MAN1A1: variants seen among roughly 807,000 people sequenced by gnomAD.
The protein encoded by MAN1A1 is mannosyl-oligosaccharide 1,2-alpha-mannosidase IA.
Under a neutral mutation model 70.8 loss-of-function variants are expected in MAN1A1, and 29 were observed. That is an observed-to-expected ratio of 0.41 (90% CI 0.31 to 0.56). The LOEUF is 0.56. Ranked by LOEUF, MAN1A1 falls within the 20% of genes least tolerant of loss-of-function variation. The probability of loss-of-function intolerance (pLI) is 0.29; values close to 1 mark genes in which losing one functional copy is unlikely to be tolerated. For synonymous variants in MAN1A1, 349 were observed against 330.1 expected (o/e 1.06, Z -0.62); for missense variants, 747 against 841.3 (o/e 0.89, Z 1.39).
At chr6:119,246,798 C>G (rs902220585) in intron 6 of MAN1A1, among the ~76,000 whole-genome samples, 4 of 152,094 alleles carry the variant, frequency 2.6e-5, no homozygotes, top group Non-Finnish European at 4.4e-5. Context: ...AAACACAAAC[C>G]AAGCTGCTTC....
chr6:119,249,911 T>C (rs1031542179), intron 5 of MAN1A1, among the ~76,000 whole-genome samples: 1 of 152,220 alleles, frequency 6.6e-6, no homozygotes, highest in African/African-American at 2.4e-5. Flanking sequence ...ATGACTTTGG[T>C]TGACAGTCAA....
intron 11 of MAN1A1, among the ~76,000 whole-genome samples, chr6:119,184,574 G>A (rs1773236010): frequency 6.6e-6 from 1 of 152,152 alleles, no homozygotes; most frequent in African/African-American, 2.4e-5. Context: ...GATGAAGCCT[G>A]AGGAGGCAGG....
chr6:119,308,077 T>C (rs1167669500), intron 2 of MAN1A1, among the ~76,000 whole-genome samples: 2 of 152,228 alleles, frequency 1.3e-5, no homozygotes, highest in African/African-American at 2.4e-5. Flanking sequence ...CTAAATGCTA[T>C]AACTTTAGTA....
intron 11 of MAN1A1, among the ~76,000 whole-genome samples, chr6:119,183,389 T>C (rs1299373850): frequency 6.8e-6 from 1 of 146,882 alleles, no homozygotes; most frequent in Admixed American, 6.9e-5. Flanking sequence ...TCAAGTCCTA[T>C]TATTTTTTCT....
chr6:119,286,108 C>A (rs1160528078), intron 5 of MAN1A1, among the ~76,000 whole-genome samples: 2 of 152,106 alleles, frequency 1.3e-5, no homozygotes, highest in African/African-American at 4.8e-5. Context: ...GAATCATACA[C>A]ATTTTCTGGC....
At chr6:119,236,217 A>G (rs1196505806) in intron 6 of MAN1A1, among the ~76,000 whole-genome samples, 1 of 152,036 alleles carries the variant, frequency 6.6e-6, no homozygotes, top group East Asian at 1.9e-4. Flanking sequence ...ATGATAGCAC[A>G]TATATTTATA....
chr6:119,232,125 C>T (rs1774694830), intron 6 of MAN1A1, among the ~76,000 whole-genome samples: 1 of 151,966 alleles, frequency 6.6e-6, no homozygotes, highest in Admixed American at 6.5e-5. Context: ...TGTAATCCAG[C>T]ACTTTGGGAG....
chr6:119,348,931 C>T lies in MAN1A1; in HGVS notation c.135G>A (p.Leu45=), dbSNP rs760256709. 7 of 1,533,850 alleles carry T rather than the reference C, an allele frequency of 4.6e-6. No homozygotes were observed. The highest frequency in any genetic ancestry group is 2.0e-5 in the Admixed American group (1 of 49,864). The change falls in exon 2 of 13, where the codon CTG becomes CTA. Residue 45 remains leucine (L), a synonymous_variant. Coordinates refer to ENST00000368468, the MANE Select transcript of MAN1A1 (RefSeq NM_005907.4). ...GCGTGATGAAGGCGCTGAATACCAG[C>T]AGCAGCACGAACTTCTCCGTCAGGC... ...ALRLTEKFVL[L]LVFSAFITLC...
intron 9 of MAN1A1, among the ~76,000 whole-genome samples, chr6:119,191,112 T>C (rs1773429774): frequency 1.3e-5 from 2 of 152,192 alleles, no homozygotes; most frequent in Admixed American, 1.3e-4. Flanking sequence ...AAGAAATAAA[T>C]GAACATATTA....
At chr6:119,228,206 A>G (rs1287617403) in intron 6 of MAN1A1, among the ~76,000 whole-genome samples, 1 of 152,184 alleles carries the variant, frequency 6.6e-6, no homozygotes, top group Non-Finnish European at 1.5e-5. Context: ...TCACCAGCAT[A>G]TTTATTCCTC....
chr6:119,274,326 A>G (rs1363958235), intron 5 of MAN1A1, among the ~76,000 whole-genome samples: 1 of 152,132 alleles, frequency 6.6e-6, no homozygotes, highest in African/African-American at 2.4e-5. Flanking sequence ...TGGAGTCCAA[A>G]TTTTTATTCA....
intron 4 of MAN1A1, among the ~76,000 whole-genome samples, chr6:119,292,500 C>T (rs974653296): frequency 6.6e-5 from 10 of 151,902 alleles, no homozygotes; most frequent in South Asian, 2.1e-4. Context: ...CTCAAGCTCA[C>T]TTGAGTCTAC....
chr6:119,250,648 C>CTCTGTGTGTGTGTGTG lies in MAN1A1; in HGVS notation c.898-2295_898-2294insCACACACACACACAGA, dbSNP rs373911155. On this transcript the variant is annotated intron_variant, in intron 5 of 12. Transcript: ENST00000368468. ...CAGACTCCTCTCTCTTGTTCTCTCT[C>CTCTGTGTGTGTGTGTG]TGTGTGTGTGTGTGTGTGTGTGTGT... 4.0e-5 allele frequency among the ~76,000 whole-genome samples: 6 copies of CTCTGTGTGTGTGTGTG among 148,636 alleles called. No individual in the cohort carries two copies. The East Asian group carries it at 1.0e-3, about 25-fold the overall frequency.
intron 5 of MAN1A1, among the ~76,000 whole-genome samples, chr6:119,275,948 G>C (rs1366814945): frequency 1.3e-5 from 2 of 152,194 alleles, no homozygotes; most frequent in Non-Finnish European, 2.9e-5. Flanking sequence ...CAGAGCTTCA[G>C]TGTATCTACA....
At chr6:119,305,959 G>T (rs1261708575) in intron 3 of MAN1A1, among the ~76,000 whole-genome samples, 1 of 152,098 alleles carries the variant, frequency 6.6e-6, no homozygotes, top group Non-Finnish European at 1.5e-5. Flanking sequence ...GGCTATCTCT[G>T]GGAAAACTAT....
intron 6 of MAN1A1, among the ~76,000 whole-genome samples, chr6:119,241,968 G>A (rs1412706761): frequency 2.7e-5 from 4 of 150,584 alleles, no homozygotes; most frequent in African/African-American, 9.8e-5. Context: ...GTGTGTGTGT[G>A]TGTGTATATG....
intron 6 of MAN1A1, among the ~76,000 whole-genome samples, chr6:119,219,492 A>G (rs912111236): frequency 6.6e-6 from 1 of 152,186 alleles, no homozygotes; most frequent in Non-Finnish European, 1.5e-5. Flanking sequence ...GGAATAATAC[A>G]CATGAAAATG....
intron 8 of MAN1A1, among the ~76,000 whole-genome samples, chr6:119,199,064 C>A (rs6901238): frequency 0.047 from 7,083 of 152,234 alleles, 205 homozygotes; most frequent in East Asian, 0.082. Context: ...TTTGGAAAAT[C>A]CTGGCTCACT....
chr6:119,342,951 A>G (rs537087316), intron 2 of MAN1A1, among the ~76,000 whole-genome samples: 1 of 152,214 alleles, frequency 6.6e-6, no homozygotes, highest in South Asian at 2.1e-4. Context: ...CTCATAAAGA[A>G]TGTTTAACTG....
Sources: allele counts gnomAD v4.1 joint callset (sites outside exome capture counted in the v4.1 genomes callset), GRCh38; gene constraint gnomAD v4.1.1; transcripts MANE v1.5; gene names NCBI Gene and HGNC (gene_info 2026-07-23, HGNC 2026-07-21).